GABRB3: variants seen among roughly 807,000 people sequenced by gnomAD.
GABRB3 encodes gamma-aminobutyric acid receptor subunit beta-3.
A neutral mutation model predicts 52.1 loss-of-function variants in GABRB3; 14 were observed. The observed-to-expected ratio is 0.27, with a 90% CI of 0.18 to 0.42. GABRB3 has a LOEUF of 0.42. GABRB3 is among the 10% of genes least tolerant of loss of function. The pLI is 1.00. For synonymous variants in GABRB3, 260 were observed against 232.3 expected (o/e 1.12, Z -1.08); for missense variants, 307 against 609.1 (o/e 0.50, Z 5.22).
At chr15:26,656,543 AC>A (rs1266354858) in intron 3 of GABRB3, among the ~76,000 whole-genome samples, 2 of 152,218 alleles carry the variant, frequency 1.3e-5, no homozygotes, top group African/African-American at 4.8e-5. Context: ...CCTGTTAGGA[AC>A]TGGGCCACAC....
At chr15:26,673,814 T>C (rs1887972874) in intron 3 of GABRB3, among the ~76,000 whole-genome samples, 1 of 152,182 alleles carries the variant, frequency 6.6e-6, no homozygotes, top group Admixed American at 6.5e-5. Flanking sequence ...ATTCTTGGAA[T>C]GGAATAGAGC....
intron 3 of GABRB3, among the ~76,000 whole-genome samples, chr15:26,758,915 T>C (rs2045839177): frequency 6.6e-6 from 1 of 152,200 alleles, no homozygotes; most frequent in Admixed American, 6.5e-5. Flanking sequence ...CTAAATCCAT[T>C]ACCAACAGGA....
At chr15:26,734,746 T>C (rs1021465537) in intron 3 of GABRB3, among the ~76,000 whole-genome samples, 1 of 151,544 alleles carries the variant, frequency 6.6e-6, no homozygotes, top group African/African-American at 2.4e-5. Context: ...AAAACCAGCC[T>C]GGGCAACACA....
intron 3 of GABRB3, among the ~76,000 whole-genome samples, chr15:26,642,997 A>G (rs1399769488): frequency 6.6e-6 from 1 of 151,872 alleles, no homozygotes; most frequent in African/African-American, 2.4e-5. Flanking sequence ...TGTTTTCACC[A>G]TCTCACAAGT....
chr15:26,614,690 C>T (rs192962166), intron 4 of GABRB3: 3 of 152,216 alleles, frequency 2.0e-5, no homozygotes, highest in East Asian at 3.9e-4. Flanking sequence ...TTTAACAGAA[C>T]CACCATATAA....
intron 3 of GABRB3, 128 bp downstream of exon 3, chr15:26,772,274 G>C: frequency 1.3e-6 from 1 of 765,986 alleles, no homozygotes; most frequent in Non-Finnish European, 2.1e-6. Flanking sequence ...CTGGGAGCGC[G>C]GCTCCCTCTG....
At chr15:26,614,984 C>T (rs975506669) in intron 4 of GABRB3, 2 of 152,078 alleles carry the variant, frequency 1.3e-5, no homozygotes, top group South Asian at 4.1e-4. Context: ...TTTGTGAACC[C>T]CCCCCTCGCC....
At chr15:26,768,313 C>T (rs1891052137) in intron 3 of GABRB3, among the ~76,000 whole-genome samples, 1 of 152,250 alleles carries the variant, frequency 6.6e-6, no homozygotes, top group African/African-American at 2.4e-5. Context: ...ATTACTATCA[C>T]TAGAGTCTGA....
At chr15:26,679,715 G>C (rs1448733237) in intron 3 of GABRB3, among the ~76,000 whole-genome samples, 2 of 151,996 alleles carry the variant, frequency 1.3e-5, no homozygotes, top group African/African-American at 4.8e-5. Flanking sequence ...AGCTTCCGGA[G>C]ATGGGGGAAT....
intron 3 of GABRB3, among the ~76,000 whole-genome samples, chr15:26,684,012 A>G (rs1484803139): frequency 7.7e-6 from 1 of 129,734 alleles, no homozygotes; most frequent in African/African-American, 3.0e-5. Context: ...AGGAATGGGA[A>G]AAACCACAGA....
chr15:26,582,848 A>T (rs762746228), intron 5 of GABRB3, among the ~76,000 whole-genome samples: 14 of 152,204 alleles, frequency 9.2e-5, no homozygotes, highest in Admixed American at 3.3e-4. Flanking sequence ...GATGTTATGG[A>T]TGCAGTTCTC....
At chr15:26,667,936 T>G (rs1887766598) in intron 3 of GABRB3, among the ~76,000 whole-genome samples, 1 of 152,340 alleles carries the variant, frequency 6.6e-6, no homozygotes, top group South Asian at 2.1e-4. Flanking sequence ...TTTAATGCAC[T>G]GTAGTGAGGT....
intron 3 of GABRB3, among the ~76,000 whole-genome samples, chr15:26,637,489 C>T (rs76379078): frequency 2.0e-4 from 31 of 152,174 alleles, no homozygotes; most frequent in Non-Finnish European, 4.4e-4. Flanking sequence ...GATGTATCTG[C>T]AGCATCTAGG....
chr15:26,752,229 T>TTTTATTTATTTATTTATTTA (rs3078706), intron 3 of GABRB3, among the ~76,000 whole-genome samples: 2 of 140,326 alleles, frequency 1.4e-5, no homozygotes, highest in Non-Finnish European at 3.1e-5. Context: ...GCTCTCTTTA[T>TTTTATTTATTTATTTATTTA]TTTATTTATT....
chr15:26,734,585 C>A (rs1890017656), intron 3 of GABRB3, among the ~76,000 whole-genome samples: 1 of 142,564 alleles, frequency 7.0e-6, no homozygotes, highest in African/African-American at 2.6e-5. Flanking sequence ...TTTAAGGATA[C>A]AATGAACAAT....
intron 3 of GABRB3, among the ~76,000 whole-genome samples, chr15:26,707,779 G>T (rs1889152528): frequency 6.6e-6 from 1 of 152,102 alleles, no homozygotes; most frequent in Non-Finnish European, 1.5e-5. Context: ...TAAACATGAG[G>T]TGTTTCAGCA....
chr15:26,766,559 T>G (rs1482574900), intron 3 of GABRB3, among the ~76,000 whole-genome samples: 1 of 152,194 alleles, frequency 6.6e-6, no homozygotes, highest in African/African-American at 2.4e-5. Flanking sequence ...ATACTTTCAT[T>G]TGGCAAGTAG....
intron 4 of GABRB3, among the ~76,000 whole-genome samples, chr15:26,595,132 G>C (rs1253211228): frequency 6.6e-6 from 1 of 152,142 alleles, no homozygotes; most frequent in Non-Finnish European, 1.5e-5. Flanking sequence ...TGTATTTTAT[G>C]CTTCCATCCA....
intron 3 of GABRB3, among the ~76,000 whole-genome samples, chr15:26,722,729 C>T (rs370122214): frequency 2.0e-5 from 3 of 152,148 alleles, no homozygotes; most frequent in African/African-American, 4.8e-5. Flanking sequence ...GAAGCAGTCA[C>T]AGAAATCAGG....
Sources: gnomAD v4.1 joint callset for allele counts (sites outside exome capture counted in the v4.1 genomes callset) on GRCh38, gnomAD v4.1.1 for gene constraint, MANE v1.5 for transcripts, NCBI Gene and HGNC (gene_info 2026-07-23, HGNC 2026-07-21) for gene names.